The following GALNTL6 variants were observed in gnomAD, a reference collection of about 807,000 sequenced individuals.
GALNTL6 encodes polypeptide N-acetylgalactosaminyltransferase like 6, also known as polypeptide N-acetylgalactosaminyltransferase-like 6.
A neutral mutation model predicts 73.7 loss-of-function variants in GALNTL6; 46 were observed. The observed-to-expected ratio is 0.62, with a 90% CI of 0.49 to 0.80. The LOEUF (loss-of-function observed/expected upper bound fraction) is 0.80, where lower values mean the gene tolerates loss of function less well. Ranked by LOEUF, GALNTL6 falls within the 30% of genes least tolerant of loss-of-function variation. The pLI is 0.00. For synonymous variants in GALNTL6, 259 were observed against 263.7 expected (o/e 0.98, Z 0.17); for missense variants, 604 against 755.0 (o/e 0.80, Z 2.34).
intron 2 of GALNTL6, among the ~76,000 whole-genome samples, chr4:171,872,892 ACG>A (rs1736177182): frequency 1.3e-5 from 2 of 152,108 alleles, no homozygotes; most frequent in African/African-American, 4.8e-5. Context: ...TCAACCCATA[ACG>A]CTCTCTACAT....
chr4:172,057,701 C>CA (rs57041409), intron 2 of GALNTL6, among the ~76,000 whole-genome samples: 3 of 63,126 alleles, frequency 4.8e-5, no homozygotes, highest in African/African-American at 2.1e-4. Context: ...GACCCTGTCT[C>CA]AAAAAAAAAA....
At chr4:172,499,933 T>C (rs1416649644) in intron 5 of GALNTL6, among the ~76,000 whole-genome samples, 2 of 152,232 alleles carry the variant, frequency 1.3e-5, no homozygotes, top group East Asian at 3.9e-4. Flanking sequence ...GAGCTAATAA[T>C]TCTTACCATC....
At chr4:171,946,270 C>A (rs899617775) in intron 2 of GALNTL6, among the ~76,000 whole-genome samples, 1 of 152,070 alleles carries the variant, frequency 6.6e-6, no homozygotes, top group Non-Finnish European at 1.5e-5. Context: ...AAGCTATTTC[C>A]TTATTAAGAA....
intron 5 of GALNTL6, among the ~76,000 whole-genome samples, chr4:172,568,295 C>T (rs1194769185): frequency 2.6e-5 from 4 of 152,092 alleles, no homozygotes; most frequent in South Asian, 2.1e-4. Context: ...TAGAACTTGG[C>T]GGCTGATTTG....
chr4:172,008,559 A>T (rs1740904376), intron 2 of GALNTL6, among the ~76,000 whole-genome samples: 1 of 152,010 alleles, frequency 6.6e-6, no homozygotes, highest in Admixed American at 6.6e-5. Flanking sequence ...TTAGTCAGTC[A>T]TGTAGATTTT....
intron 3 of GALNTL6, among the ~76,000 whole-genome samples, chr4:172,291,738 G>A (rs1373089705): frequency 7.4e-6 from 1 of 134,542 alleles, no homozygotes; most frequent in African/African-American, 2.8e-5. Context: ...CCCTCCCCCT[G>A]CCCCAGTATT....
chr4:172,669,003 A>G (rs945852009), intron 5 of GALNTL6: 2 of 147,862 alleles, frequency 1.4e-5, no homozygotes, highest in East Asian at 3.9e-4. Context: ...CATTTTATGG[A>G]AAAAAAAAAG....
At chr4:172,895,893 C>T (rs925541646) in intron 8 of GALNTL6, among the ~76,000 whole-genome samples, 4 of 152,058 alleles carry the variant, frequency 2.6e-5, no homozygotes, top group African/African-American at 9.7e-5. Flanking sequence ...TTGATCAGTT[C>T]TGCTATTGAT....
At chr4:172,092,869 T>C (rs1732243152) in intron 2 of GALNTL6, among the ~76,000 whole-genome samples, 1 of 149,956 alleles carries the variant, frequency 6.7e-6, no homozygotes, top group South Asian at 2.1e-4. Context: ...TAATTTTTTT[T>C]CTTTTCTTTT....
intron 4 of GALNTL6, among the ~76,000 whole-genome samples, chr4:172,321,132 T>C (rs1342397604): frequency 6.6e-6 from 1 of 152,198 alleles, no homozygotes; most frequent in Non-Finnish European, 1.5e-5. Flanking sequence ...AATTAAACTT[T>C]ATCATAGGTG....
At chr4:172,379,298 A>G (rs1743169672) in intron 5 of GALNTL6, among the ~76,000 whole-genome samples, 2 of 152,148 alleles carry the variant, frequency 1.3e-5, no homozygotes, top group Admixed American at 6.5e-5. Context: ...TGGGAGGCCG[A>G]GGCGGGTGGA....
At chr4:172,072,085 G>A (rs1010409810) in intron 2 of GALNTL6, among the ~76,000 whole-genome samples, 2 of 152,080 alleles carry the variant, frequency 1.3e-5, no homozygotes, top group African/African-American at 4.8e-5. Flanking sequence ...GGTTTCCTGG[G>A]CAGGTTGCTG....
At chr4:172,206,803 CTGTTTTTTT>C (rs1375239016) in intron 2 of GALNTL6, among the ~76,000 whole-genome samples, 26 of 13,424 alleles carry the variant, frequency 1.9e-3, no homozygotes, top group South Asian at 5.4e-3. Flanking sequence ...TTTTGTTTTT[CTGTTTTTTT>C]TGTTTGTTTT....
chr4:172,609,350 TGTA>T (rs1457357442), intron 5 of GALNTL6, among the ~76,000 whole-genome samples: 1 of 152,096 alleles, frequency 6.6e-6, no homozygotes, highest in African/African-American at 2.4e-5. Flanking sequence ...ATTTTAGACA[TGTA>T]GTATGTTGAA....
chr4:172,954,705 T>C (rs1197664950), intron 10 of GALNTL6, among the ~76,000 whole-genome samples: 4 of 152,134 alleles, frequency 2.6e-5, no homozygotes, highest in African/African-American at 9.7e-5. Flanking sequence ...TGGCCTCAAT[T>C]ATTCATCTCA....
chr4:172,246,409 C>T (rs1488953434), intron 3 of GALNTL6, among the ~76,000 whole-genome samples: 1 of 152,156 alleles, frequency 6.6e-6, no homozygotes, highest in Admixed American at 6.5e-5. Flanking sequence ...AAATAGTAAT[C>T]ATTAAAGAAT....
intron 5 of GALNTL6, among the ~76,000 whole-genome samples, chr4:172,477,808 C>A (rs905613127): frequency 6.6e-6 from 1 of 152,070 alleles, no homozygotes; most frequent in African/African-American, 2.4e-5. Context: ...ACACAATTGA[C>A]TCTTTAACGC....
At chr4:172,467,522 TGGCAGTGTCAAGGTTCACAGGGAGAG>T (rs998477523) in intron 5 of GALNTL6, among the ~76,000 whole-genome samples, 2 of 152,110 alleles carry the variant, frequency 1.3e-5, no homozygotes, top group African/African-American at 4.8e-5. Flanking sequence ...GTTTGTCACA[TGGCAGTGTCAAGGTTCACAGGGAGAG>T]GGGGAAAGAG....
At chr4:171,904,996 G>A (rs534031461) in intron 2 of GALNTL6, among the ~76,000 whole-genome samples, 16 of 151,788 alleles carry the variant, frequency 1.1e-4, no homozygotes, top group Admixed American at 2.0e-4. Flanking sequence ...TGAAGGAAGC[G>A]CTAAACATGG....
Sources: allele counts gnomAD v4.1 joint callset (sites outside exome capture counted in the v4.1 genomes callset), GRCh38; gene constraint gnomAD v4.1.1; transcripts MANE v1.5; gene names NCBI Gene and HGNC (gene_info 2026-07-23, HGNC 2026-07-21).